The following COCH variants were observed in gnomAD, a reference collection of about 807,000 sequenced individuals.
COCH encodes the protein coagulation factor C homolog, cochlin (Limulus polyphemus).
COCH carries 40 observed loss-of-function variants against 54.8 expected under a neutral mutation model. The observed-to-expected ratio is 0.73, with a 90% CI of 0.57 to 0.95. The LOEUF (loss-of-function observed/expected upper bound fraction) is 0.95, where lower values mean the gene tolerates loss of function less well. Ranked by LOEUF, COCH falls within the 40% of genes least tolerant of loss-of-function variation. The pLI is 0.00. For missense variants in COCH, 605 were observed against 675.0 expected, an observed-to-expected ratio of 0.90 and a Z score of 1.15; for synonymous variants, 256 against 237.9, an observed-to-expected ratio of 1.08 and a Z score of -0.70.
At chr14:30,886,352 A>T (rs1486634644) in intron 11 of COCH, 40 bp downstream of exon 11, 4 of 1,610,044 alleles carry the variant, frequency 2.5e-6, no homozygotes, top group Non-Finnish European at 3.4e-6. Flanking sequence ...GAACAGAAAA[A>T]ACGGTTCAGT....
At chr14:30,891,630 A>G (rs1299994217), downstream of COCH, among the ~76,000 whole-genome samples, 1 of 152,230 alleles carries the variant, frequency 6.6e-6, no homozygotes, top group Non-Finnish European at 1.5e-5. Flanking sequence ...GCATAGTATG[A>G]TTTTTCCCCA....
downstream of COCH, chr14:30,895,275 C>T (rs541461152): frequency 3.6e-6 from 3 of 841,412 alleles, no homozygotes; most frequent in African/African-American, 1.7e-5. Context: ...GTGATTTCCA[C>T]CAATTTGTGC....
Position 30,875,041 on chromosome 14 carries a change from C to G in COCH, c.35-15C>G, listed in dbSNP as rs772771555. ...GTGGAGGCTGGAGCCAGCCCTCACG[C>G]TTCTCTCTTCGCAGGTGTGTGTCTG... On this transcript the variant is annotated splice_polypyrimidine_tract_variant and intron_variant, in intron 2 of 11. Transcript: ENST00000396618. 1 of 1,612,144 alleles carries G rather than the reference C, an allele frequency of 6.2e-7. No individual in the cohort carries two copies. Among genetic ancestry groups the G allele is most frequent in the Admixed American group, 1.7e-5 (1 of 59,918 alleles).
chr14:30,886,386 TA>T, intron 11 of COCH, 74 bp downstream of exon 11: 1 of 1,515,242 alleles, frequency 6.6e-7, no homozygotes, highest in Non-Finnish European at 9.1e-7. Context: ...AATAAAAATT[TA>T]AGCATTTATT....
intron 8 of COCH, among the ~76,000 whole-genome samples, chr14:30,883,785 C>A (rs1407505956): frequency 6.6e-6 from 1 of 152,114 alleles, no homozygotes; most frequent in Non-Finnish European, 1.5e-5. Context: ...TAAAAGTGAG[C>A]TGAAATTCCT....
At position 30,886,332 on chromosome 14, in the gene COCH, TAGG is replaced by T. The variant is rs757249001; in HGVS notation, c.1477+23_1477+25del. On this transcript the variant is annotated intron_variant, in intron 11 of 11. Coordinates refer to ENST00000396618, the MANE Select transcript of COCH (RefSeq NM_004086.3). Reference sequence around the variant, plus strand: ...ATGCAGGTAAGGTCCTTGTTCTTTATAGGAGAAGGGAACAGAAAAAACGGTTCA... The same window carrying T: ...ATGCAGGTAAGGTCCTTGTTCTTTATAGAAGGGAACAGAAAAAACGGTTCA... The T allele has an allele frequency of 3.7e-6, 6 of 1,613,542 alleles. No homozygotes were observed. Among genetic ancestry groups the T allele is most frequent in the Admixed American group, 1.7e-5 (1 of 59,988 alleles).
chr14:30,882,590 T>C lies in COCH; in HGVS notation c.629+1856T>C, dbSNP rs150390106. Among the ~76,000 whole-genome samples, 542 of 152,330 alleles carry C rather than the reference T, an allele frequency of 3.6e-3. 3 individuals are homozygous for C. The highest frequency in any genetic ancestry group is 0.012 in the African/African-American group (493 of 41,580). ...ATTTCATAATATTCCGCTGCATGAT[T>C]AGTCATTCTTATTATTTCTTCACTA... On this transcript the variant is annotated intron_variant, in intron 8 of 11. Coordinates refer to ENST00000396618, the MANE Select transcript of COCH (RefSeq NM_004086.3).
chr14:30,885,151 T>A, intron 9 of COCH: 1 of 1,403,414 alleles, frequency 7.1e-7, no homozygotes, highest in South Asian at 1.3e-5. Context: ...GTGAGGCTTC[T>A]AGGAGGTGGA....
downstream of COCH, chr14:30,894,520 T>C (rs1257182556): frequency 6.5e-6 from 1 of 152,744 alleles, no homozygotes; most frequent in Non-Finnish European, 1.5e-5. Context: ...AAATATCACA[T>C]AGTGATAGGA....
chr14:30,889,789 T>C lies in COCH; in HGVS notation c.1651T>C (p.Ter551GlnextTer2). The C allele has an allele frequency of 1.9e-6, 3 of 1,608,882 alleles. No individual in the cohort carries two copies. Among genetic ancestry groups the C allele is most frequent in the Middle Eastern group, 1.7e-4 (1 of 6,022 alleles). The change falls in exon 12 of 12, where the codon TAA (stop) becomes CAA (glutamine). Residue 551 changes from the stop codon to glutamine (Q), a stop_lost. Coordinates refer to ENST00000396618, the MANE Select transcript of COCH (RefSeq NM_004086.3). ...ICRDFLESQQ[*>Q] Reference sequence around the variant, plus strand: ...TAGAGATTTCTTAGAATCCCAGCAATAATGGTAACATTTTGACAACTGAAA... The same window carrying C: ...TAGAGATTTCTTAGAATCCCAGCAACAATGGTAACATTTTGACAACTGAAA...
chr14:30,877,522 G>T lies in COCH; in HGVS notation c.83-50G>T. On this transcript the variant is annotated intron_variant, in intron 3 of 11. Coordinates refer to ENST00000396618, the MANE Select transcript of COCH (RefSeq NM_004086.3). This position sits in a 1 kb window ranked among gnomAD's most constrained non-coding sequence, Gnocchi z 8.6. ...CACACTGTAGTCTCCCCACCACTAT[G>T]CCCCAAGAAGTCCTAAGAATGCTTA... 6.2e-7 allele frequency: 1 copy of T among 1,606,746 alleles called. No homozygotes were observed.
chr14:30,888,519 T>C lies in COCH; in HGVS notation c.1478-1097T>C, dbSNP rs1407058101. On this transcript the variant is annotated intron_variant, in intron 11 of 11. Coordinates refer to ENST00000396618, the MANE Select transcript of COCH (RefSeq NM_004086.3). ...AAATGAGGCCAGGTGTGGTGGCTTA[T>C]GCCTGTAATCCCAGCACTTTGGGAG... Among the ~76,000 whole-genome samples the C allele has an allele frequency of 3.5e-5, 3 of 86,436 alleles. No homozygotes were observed. In the Admixed American group the frequency reaches 4.0e-4, roughly 11 times the overall value. 56.7% of individuals were successfully genotyped at this position (86,436 alleles called of 152,430 possible). A position where few individuals can be genotyped will look rare whatever the true frequency, so the allele number is the denominator to read the frequency against.
intron 8 of COCH, 193 bp from the exon 9 acceptor site, chr14:30,884,360 A>G (rs143812435): frequency 4.4e-4 from 253 of 578,830 alleles, no homozygotes; most frequent in African/African-American, 4.3e-3. Context: ...TCAATATGGC[A>G]ATTATTTGTT....
At position 30,880,643 on chromosome 14, in the gene COCH, C is replaced by T. The variant is rs559481815; in HGVS notation, c.538C>T (p.Arg180Ter). The T allele has an allele frequency of 1.7e-5, 27 of 1,613,882 alleles. No homozygotes were observed. The highest frequency in any genetic ancestry group is 4.5e-5 in the East Asian group (2 of 44,864). Residue 180 changes from arginine to a stop codon, truncating the protein, a stop_gained, in exon 8 of 12, where the codon CGA becomes TGA. Coordinates refer to ENST00000396618, the MANE Select transcript of COCH (RefSeq NM_004086.3). LOFTEE classifies it high-confidence loss of function. ...IDGSFNIGQR[R>*]FNLQKNFVGK... ...TGGAAGCTTTAATATTGGGCAGCGC[C>T]GATTTAATTTACAGAAGAATTTTGT... is the stretch of plus-strand genomic sequence containing the variant.
At chr14:30,891,051 A>AAAAT (rs1434050348), downstream of COCH, among the ~76,000 whole-genome samples, 1 of 152,172 alleles carries the variant, frequency 6.6e-6, no homozygotes, top group Non-Finnish European at 1.5e-5. Context: ...AAATAAAAAA[A>AAAAT]AAAATAAAAA....
Position 30,889,668 on chromosome 14 carries a change from A to G in COCH, c.1530A>G (p.Lys510=). 1 of 1,614,094 alleles carries G rather than the reference A, an allele frequency of 6.2e-7. No individual in the cohort carries two copies. The highest frequency in any genetic ancestry group is 8.5e-7 in the Non-Finnish European group (1 of 1,179,954). Residue 510 remains lysine, a synonymous_variant, in exon 12 of 12, where the codon AAA becomes AAG. Coordinates refer to ENST00000396618, the MANE Select transcript of COCH (RefSeq NM_004086.3). ...CTTGGGCACCTCTGGATGACCTGAA[A>G]GATATGGCTTCTAAACCGAAGGAGT... ...GVAWAPLDDL[K]DMASKPKESH...
rs946538108 is a variant in COCH, at chr14:30,889,947, C to T, written c.*156C>T. On this transcript the variant is annotated 3_prime_UTR_variant, in exon 12 of 12. Transcript: ENST00000396618. ...AGGCAAATAAGCACTCCTTTAAAGC[C>T]GCTGCCTTCTGGTTACAATTTACAG... 2.6e-5 allele frequency: 36 copies of T among 1,394,078 alleles called. No individual in the cohort carries two copies. The highest frequency in any genetic ancestry group is 3.0e-5 in the Admixed American group (1 of 33,510). 86.4% of individuals were successfully genotyped at this position (1,394,078 alleles called of 1,614,324 possible). A position where few individuals can be genotyped will look rare whatever the true frequency, so the allele number is the denominator to read the frequency against.
chr14:30,889,750 A>T lies in COCH; in HGVS notation c.1612A>T (p.Ile538Phe). 1 of 1,612,500 alleles carries T rather than the reference A, an allele frequency of 6.2e-7. No individual in the cohort carries two copies. Among genetic ancestry groups the T allele is most frequent in the Non-Finnish European group, 8.5e-7 (1 of 1,178,626 alleles). The change falls in exon 12 of 12, where the codon ATC (isoleucine) becomes TTC (phenylalanine). Residue 538 changes from isoleucine (I) to phenylalanine (F), a missense_variant. Coordinates refer to ENST00000396618, the MANE Select transcript of COCH (RefSeq NM_004086.3). ...ATTAGAACCAATTGTTTCTGATGTC[A>T]TCAGAGGCATTTGTAGAGATTTCTT... ...TGLEPIVSDVIRGICRDFLES... is the reference protein window; with the variant it reads ...TGLEPIVSDVFRGICRDFLES...
downstream of COCH, among the ~76,000 whole-genome samples, chr14:30,893,328 G>GT (rs1254131411): frequency 6.6e-6 from 1 of 151,582 alleles, no homozygotes; most frequent in Non-Finnish European, 1.5e-5. Flanking sequence ...GTGTGTGTGT[G>GT]TTTTTAGTAG....
Sources: allele counts gnomAD v4.1 joint callset (sites outside exome capture counted in the v4.1 genomes callset), GRCh38; gene constraint gnomAD v4.1.1; non-coding constraint Gnocchi (gnomAD v3.1); transcripts MANE v1.5; gene names NCBI Gene and HGNC (gene_info 2026-07-23, HGNC 2026-07-21).